The following CCDC88C variants were observed in gnomAD, a reference collection of about 807,000 sequenced individuals.
CCDC88C encodes the protein protein Daple.
In CCDC88C, 131 loss-of-function variants were observed where a neutral mutation model predicts 198.8. The ratio of observed to expected loss-of-function variants is 0.66; its 90% CI spans 0.57 to 0.76. The LOEUF (loss-of-function observed/expected upper bound fraction) is 0.76, where lower values mean the gene tolerates loss of function less well. Ranked by LOEUF, CCDC88C falls within the 30% of genes least tolerant of loss-of-function variation. The pLI, the probability that CCDC88C is intolerant of heterozygous loss-of-function variation, is 0.00. For synonymous variants in CCDC88C, 1,166 were observed against 1,114.7 expected, an observed-to-expected ratio of 1.05 and a Z score of -0.92; for missense variants, 2,553 against 2,631.6, an observed-to-expected ratio of 0.97 and a Z score of 0.65.
intron 10 of CCDC88C, among the ~76,000 whole-genome samples, chr14:91,330,852 T>C (rs896879388): frequency 2.0e-5 from 3 of 151,880 alleles, no homozygotes; most frequent in African/African-American, 7.3e-5. Context: ...CGAGGGTCTA[T>C]GTGTGTGGGC....
chr14:91,323,985 C>CT (rs1892466322), intron 12 of CCDC88C, among the ~76,000 whole-genome samples: 1 of 151,802 alleles, frequency 6.6e-6, no homozygotes. Flanking sequence ...GCTTAGATGT[C>CT]TATCAGAATT....
chr14:91,279,655 A>T, intron 27 of CCDC88C: 1 of 196,768 alleles, frequency 5.1e-6, no homozygotes. Context: ...CCAGAGGTTG[A>T]GGTTGCGGGG....
Position 91,293,558 on chromosome 14 carries a change from G to GCCTGCCACAGCTCACCTTCCCATCCTCA in CCDC88C, c.4112+614_4112+615insTGAGGATGGGAAGGTGAGCTGTGGCAGG, listed in dbSNP as rs1567055886. The stretch of plus-strand genomic sequence containing the variant: ...CCACGGCCCACCTTCCTGTCCCCTC[G>GCCTGCCACAGCTCACCTTCCCATCCTCA]CCTGCCACGGCCCACCTTCCTGTCC... On this transcript the variant is annotated intron_variant, in intron 23 of 29. Coordinates refer to ENST00000389857, the MANE Select transcript of CCDC88C (RefSeq NM_001080414.4). Among the ~76,000 whole-genome samples the GCCTGCCACAGCTCACCTTCCCATCCTCA allele has an allele frequency of 1.3e-3, 26 of 20,094 alleles. 2 individuals carry two copies. The highest frequency in any genetic ancestry group is 1.8e-3 in the Non-Finnish European group (15 of 8,484). The allele number at this position is 20,094 out of a possible 152,430, so 13.2% of individuals were successfully genotyped here.
intron 22 of CCDC88C, among the ~76,000 whole-genome samples, chr14:91,296,009 C>T (rs1185560746): frequency 6.6e-6 from 1 of 152,218 alleles, no homozygotes; most frequent in Non-Finnish European, 1.5e-5. Flanking sequence ...GAGAAACCAG[C>T]TCAGCCCTGC....
intron 3 of CCDC88C, among the ~76,000 whole-genome samples, chr14:91,385,203 G>A (rs1885053559): frequency 6.6e-6 from 1 of 152,136 alleles, no homozygotes; most frequent in South Asian, 2.1e-4. Flanking sequence ...CACCGGCCAG[G>A]AGGTTTACCT....
At chr14:91,304,000 G>T in intron 19 of CCDC88C, 22 bp from the exon 20 acceptor site, 1 of 1,590,186 alleles carries the variant, frequency 6.3e-7, no homozygotes, top group South Asian at 1.1e-5. Context: ...GAGAAGCGCG[G>T]CGTGGCGCAG....
intron 4 of CCDC88C, among the ~76,000 whole-genome samples, chr14:91,347,841 C>T (rs971190288): frequency 6.6e-6 from 1 of 152,164 alleles, no homozygotes; most frequent in African/African-American, 2.4e-5. Context: ...TGGGTATATA[C>T]CCAAAGGATT....
intron 20 of CCDC88C, among the ~76,000 whole-genome samples, chr14:91,300,846 T>C (rs536115640): frequency 3.8e-4 from 58 of 152,166 alleles, no homozygotes; most frequent in Non-Finnish European, 7.6e-4. Context: ...TGTTCACGGG[T>C]GACCCAGGAT....
At chr14:91,275,274 A>G (rs1889905431) in intron 29 of CCDC88C, among the ~76,000 whole-genome samples, 1 of 152,158 alleles carries the variant, frequency 6.6e-6, no homozygotes, top group African/African-American at 2.4e-5. Flanking sequence ...AGTACAGGGC[A>G]CAGGGAATGG....
chr14:91,401,332 T>TTATA (rs10655580), intron 3 of CCDC88C, among the ~76,000 whole-genome samples: 2,155 of 136,554 alleles, frequency 0.016, 87 homozygotes, highest in Admixed American at 0.086. Context: ...ATTACATATA[T>TTATA]TATATATATA....
At position 91,283,324 on chromosome 14, in the gene CCDC88C, C is replaced by T. The variant is rs975722700; in HGVS notation, c.4630+5G>A. 6 of 1,612,388 alleles carry T rather than the reference C, an allele frequency of 3.7e-6. No individual in the cohort carries two copies. In the African/African-American group the frequency reaches 8.0e-5, roughly 22 times the overall value. On this transcript the variant is annotated splice_donor_5th_base_variant and intron_variant, in intron 26 of 29. Transcript: ENST00000389857. ...CTCATGGCTCTGGAAGGGCCTGTGA[C>T]TCACCTTTGGTGCGGCCTGGGTGCC...
intron 4 of CCDC88C, among the ~76,000 whole-genome samples, chr14:91,357,158 T>C (rs570838601): frequency 6.6e-6 from 1 of 152,296 alleles, no homozygotes; most frequent in East Asian, 1.9e-4. Flanking sequence ...GTCAAGGACA[T>C]GGCACCCAAG....
intron 10 of CCDC88C, among the ~76,000 whole-genome samples, chr14:91,331,799 G>A (rs1184222638): frequency 6.6e-6 from 1 of 152,176 alleles, no homozygotes; most frequent in Non-Finnish European, 1.5e-5. Context: ...ATGCCCGAGA[G>A]CACCCCCTGC....
At position 91,339,735 on chromosome 14, in the gene CCDC88C, G is replaced by A. The variant is rs1893226269; in HGVS notation, c.624+149C>T. On this transcript the variant is annotated intron_variant, in intron 7 of 29. Coordinates refer to ENST00000389857, the MANE Select transcript of CCDC88C (RefSeq NM_001080414.4). This position sits in a 1 kb window ranked among gnomAD's most constrained non-coding sequence, Gnocchi z 5.8. ...GGCCCGAGGTGACCATGCACTGCAG[G>A]GGCCGTAACCAGGGAAAGCACGCAC... 1.9e-6 allele frequency: 2 copies of A among 1,037,282 alleles called. No homozygotes were observed. The highest frequency in any genetic ancestry group is 1.4e-6 in the Non-Finnish European group (1 of 735,396). 64.3% of individuals were successfully genotyped at this position (1,037,282 alleles called of 1,614,324 possible). A position where few individuals can be genotyped will look rare whatever the true frequency, so the allele number is the denominator to read the frequency against.
intron 3 of CCDC88C, among the ~76,000 whole-genome samples, chr14:91,362,605 C>T (rs1411346135): frequency 1.3e-5 from 2 of 152,118 alleles, no homozygotes; most frequent in Non-Finnish European, 2.9e-5. Flanking sequence ...CTAGTTTTCC[C>T]ACAAGAAACA....
chr14:91,300,077 G>C lies in CCDC88C; in HGVS notation c.3636-7C>G, dbSNP rs770919842. The stretch of plus-strand genomic sequence containing the variant: ...CTTCAGCATGTCACCGTGCCTGTTG[G>C]AGGGAAGCACCTGCCGTGAGTCTGG... On this transcript the variant is annotated splice_polypyrimidine_tract_variant and splice_region_variant and intron_variant, in intron 20 of 29. Transcript: ENST00000389857. 6.2e-7 allele frequency: 1 copy of C among 1,606,106 alleles called. No homozygotes were observed. The highest frequency in any genetic ancestry group is 1.7e-5 in the Admixed American group (1 of 59,186).
chr14:91,352,478 G>A lies in CCDC88C; in HGVS notation c.340+7164C>T, dbSNP rs976130291. Among the ~76,000 whole-genome samples the A allele has an allele frequency of 1.3e-5, 2 of 152,196 alleles. No individual in the cohort carries two copies. The highest frequency in any genetic ancestry group is 4.8e-5 in the African/African-American group (2 of 41,446). On this transcript the variant is annotated intron_variant, in intron 4 of 29. Transcript: ENST00000389857. The surrounding 1 kb of genome is among the most constrained non-coding windows in gnomAD (Gnocchi z 4.2). ...AGAAGCAAAGAAGCAGGATAGAAAC[G>A]GGGTAGTTTAAAACAGCATTTGGTT... is the stretch of plus-strand genomic sequence containing the variant.
intron 3 of CCDC88C, among the ~76,000 whole-genome samples, chr14:91,365,238 G>A (rs1191828566): frequency 1.3e-5 from 2 of 151,824 alleles, no homozygotes; most frequent in African/African-American, 4.8e-5. Context: ...CTCCTGAGAG[G>A]CAGGACAGAA....
At position 91,339,814 on chromosome 14, in the gene CCDC88C, T is replaced by G; in HGVS notation, c.624+70A>C. The G allele has an allele frequency of 1.4e-6, 2 of 1,464,978 alleles. No individual in the cohort carries two copies. Among genetic ancestry groups the G allele is most frequent in the Non-Finnish European group, 1.8e-6 (2 of 1,102,202 alleles). The allele number at this position is 1,464,978 out of a possible 1,614,324, so 90.7% of individuals were successfully genotyped here. ...AGGACCGAGGCGTCTAGGCTGAAGATGAAGGGAGAGGAGATGAAGGGGCCT... is the reference window on the plus strand; with the variant it reads ...AGGACCGAGGCGTCTAGGCTGAAGAGGAAGGGAGAGGAGATGAAGGGGCCT... On this transcript the variant is annotated intron_variant, in intron 7 of 29. Transcript: ENST00000389857. This position sits in a 1 kb window ranked among gnomAD's most constrained non-coding sequence, Gnocchi z 5.8.
Sources: gnomAD v4.1 joint callset for allele counts (sites outside exome capture counted in the v4.1 genomes callset) on GRCh38, gnomAD v4.1.1 for gene constraint, Gnocchi (gnomAD v3.1) non-coding constraint, MANE v1.5 for transcripts, NCBI Gene and HGNC (gene_info 2026-07-23, HGNC 2026-07-21) for gene names.